CCNB1: variants seen among roughly 807,000 people sequenced by gnomAD.
CCNB1 encodes the protein cyclin B1.
CCNB1 carries 26 observed loss-of-function variants against 44.4 expected under a neutral mutation model. That is an observed-to-expected ratio of 0.59 (90% confidence interval 0.43 to 0.81). The LOEUF (loss-of-function observed/expected upper bound fraction) is 0.81. CCNB1 is among the 40% of genes least tolerant of loss of function. The pLI, the probability that CCNB1 is intolerant of heterozygous loss-of-function variation, is 0.00. For missense variants in CCNB1, 477 were observed against 520.9 expected, an observed-to-expected ratio of 0.92 and a Z score of 0.82; for synonymous variants, 195 against 181.4, an observed-to-expected ratio of 1.08 and a Z score of -0.60.
At chr5:69,168,464 G>A in intron 3 of CCNB1, 121 bp downstream of exon 3, 1 of 1,172,164 alleles carries the variant, frequency 8.5e-7, no homozygotes, top group Middle Eastern at 2.7e-4. Context: ...TGCTTAGCAT[G>A]AGGCAAGCTC....
intron 6 of CCNB1, 69 bp from the exon 7 acceptor site, chr5:69,175,328 A>G: frequency 1.4e-6 from 2 of 1,436,890 alleles, no homozygotes; most frequent in Non-Finnish European, 1.9e-6. Context: ...AAAGATACAT[A>G]TGGGCATGCA....
chr5:69,176,544 T>TA (rs1488778074), intron 7 of CCNB1, among the ~76,000 whole-genome samples: 93 of 147,822 alleles, frequency 6.3e-4, no homozygotes, highest in African/African-American at 1.9e-3. Context: ...ATATATATAT[T>TA]TTTTTTTAGT....
chr5:69,169,637 C>G (rs1027539156), intron 3 of CCNB1, among the ~76,000 whole-genome samples: 1 of 151,960 alleles, frequency 6.6e-6, no homozygotes, highest in Non-Finnish European at 1.5e-5. Flanking sequence ...CATCTCCACC[C>G]CCTGTTCCTA....
intron 3 of CCNB1, among the ~76,000 whole-genome samples, chr5:69,168,742 A>C (rs1158223858): frequency 6.6e-6 from 1 of 152,170 alleles, no homozygotes; most frequent in African/African-American, 2.4e-5. Context: ...ATCTCTGCAG[A>C]ATTTATTGGC....
At chr5:69,171,585 C>T (rs2069432) in intron 4 of CCNB1, 133 bp downstream of exon 4, 83,907 of 613,008 alleles carry the variant, frequency 0.14, 6,448 homozygotes, top group African/African-American at 0.25. Context: ...AATTCTCCTT[C>T]ATGGAATACC....
At chr5:69,176,125 C>T (rs1036249771) in intron 7 of CCNB1, among the ~76,000 whole-genome samples, 16 of 151,344 alleles carry the variant, frequency 1.1e-4, no homozygotes, top group Admixed American at 8.6e-4. Flanking sequence ...TGGGCTCAAG[C>T]GATCCACCCA....
chr5:69,174,445 T>C, intron 5 of CCNB1, 36 bp downstream of exon 5: 1 of 1,600,934 alleles, frequency 6.2e-7, no homozygotes, highest in South Asian at 1.1e-5. Flanking sequence ...CTTCCAGGAT[T>C]CTAGCCGAGT....
chr5:69,167,386 C>T (rs1327520465), intron 1 of CCNB1, 103 bp downstream of exon 1: 5 of 1,363,138 alleles, frequency 3.7e-6, no homozygotes, highest in East Asian at 2.3e-5. Flanking sequence ...GCCGCAGGAG[C>T]GATTTGGGGA....
intron 7 of CCNB1, among the ~76,000 whole-genome samples, chr5:69,176,445 C>T (rs1747592435): frequency 6.6e-6 from 1 of 151,746 alleles, no homozygotes; most frequent in Admixed American, 6.6e-5. Flanking sequence ...CAACCTCCGC[C>T]TCCTGGGTTC....
Position 69,168,255 on chromosome 5 carries a change from TGCCAGTGTCTGA to T in CCNB1, c.283_294del (p.Ser95_Val98del), listed in dbSNP as rs780419001. ...GAAAAGGTACCTATGCTGGTGCCAG[TGCCAGTGTCTGA>T]GCCAGTGCCAGAGCCAGAACCTGAG... On this transcript the variant is annotated inframe_deletion, in exon 3 of 9. Transcript: ENST00000256442. 14 of 1,614,014 alleles carry T rather than the reference TGCCAGTGTCTGA, an allele frequency of 8.7e-6. 1 individual carries two copies. The South Asian group carries it at 1.5e-4, about 18-fold the overall frequency.
At chr5:69,174,210 G>T in intron 4 of CCNB1, 41 bp from the exon 5 acceptor site, 1 of 1,594,006 alleles carries the variant, frequency 6.3e-7, no homozygotes, top group Non-Finnish European at 8.6e-7. Context: ...TGTGTCACAT[G>T]GAGTCATGTT....
chr5:69,167,411 G>A, intron 1 of CCNB1, 128 bp downstream of exon 1: 1 of 1,043,082 alleles, frequency 9.6e-7, no homozygotes, highest in Non-Finnish European at 1.4e-6. Flanking sequence ...GGTGGGAGGG[G>A]ACTCACCAAG....
intron 1 of CCNB1, 162 bp downstream of exon 1, chr5:69,167,445 C>T (rs1433682219): frequency 1.5e-6 from 1 of 681,130 alleles, no homozygotes; most frequent in Non-Finnish European, 2.6e-6. Flanking sequence ...GGGCCCAGGC[C>T]TGGTGAGAGA....
At chr5:69,174,855 C>T (rs1018085138) in intron 5 of CCNB1, 22 bp from the exon 6 acceptor site, 1 of 1,567,168 alleles carries the variant, frequency 6.4e-7, no homozygotes. Flanking sequence ...TTTTATTCAC[C>T]CTATTGAAAT....
chr5:69,168,042 C>G lies in CCNB1; in HGVS notation c.156C>G (p.Val52=). 1 of 1,614,112 alleles carries G rather than the reference C, an allele frequency of 6.2e-7. No homozygotes were observed. Among genetic ancestry groups the G allele is most frequent in the Non-Finnish European group, 8.5e-7 (1 of 1,180,022 alleles). Residue 52 remains valine (V), a synonymous_variant, in exon 2 of 9, where the codon GTC becomes GTG. Transcript: ENST00000256442. ...RTALGDIGNK[V]SEQLQAKMPM... is the part of the protein sequence containing the mutation. ...CTCTTGGGGACATTGGTAACAAAGTCAGTGAACAACTGCAGGCCAAAATGC... is the reference window on the plus strand; with the variant it reads ...CTCTTGGGGACATTGGTAACAAAGTGAGTGAACAACTGCAGGCCAAAATGC...
Position 69,168,490 on chromosome 5 carries a change from A to C in CCNB1, c.363+147A>C, listed in dbSNP as rs1026982383. On this transcript the variant is annotated intron_variant, in intron 3 of 8. Transcript: ENST00000256442. ...AGGCAAGCTCTGCCTAACATTTTACATGCATTAACTCACATAATCTTTACA... is the reference window on the plus strand; with the variant it reads ...AGGCAAGCTCTGCCTAACATTTTACCTGCATTAACTCACATAATCTTTACA... 5 of 860,570 alleles carry C rather than the reference A, an allele frequency of 5.8e-6. No homozygotes were observed. The African/African-American group carries it at 8.4e-5, about 15-fold the overall frequency. The allele number at this position is 860,570 out of a possible 1,614,324, so 53.3% of individuals were successfully genotyped here.
intron 4 of CCNB1, among the ~76,000 whole-genome samples, chr5:69,173,100 G>A (rs927454307): frequency 1.3e-5 from 2 of 152,040 alleles, no homozygotes; most frequent in Non-Finnish European, 2.9e-5. Flanking sequence ...TTGATGCTTC[G>A]TTCTTGTTCT....
rs1318224759 is a variant in CCNB1, at chr5:69,177,314, G to A, written c.1159G>A (p.Val387Ile). 1 of 1,612,200 alleles carries A rather than the reference G, an allele frequency of 6.2e-7. No individual in the cohort carries two copies. Among genetic ancestry groups the A allele is most frequent in the Non-Finnish European group, 8.5e-7 (1 of 1,178,276 alleles). Reference protein sequence around the residue: ...LPVMQHLAKNVVMVNQGLTKH... With the variant: ...LPVMQHLAKNIVMVNQGLTKH... Reference sequence around the variant, plus strand: ...AGTTATGCAGCACCTGGCTAAGAATGTAGTCATGGTAAATCAAGGACTTAC... The same window carrying A: ...AGTTATGCAGCACCTGGCTAAGAATATAGTCATGGTAAATCAAGGACTTAC... The change falls in exon 8 of 9, where the codon GTA becomes ATA. Residue 387 changes from valine to isoleucine, a missense_variant. Coordinates refer to ENST00000256442, the MANE Select transcript of CCNB1 (RefSeq NM_031966.4).
Position 69,175,403 on chromosome 5 carries a change from G to A in CCNB1, c.949G>A (p.Val317Ile). The change falls in exon 7 of 9, where the codon GTC becomes ATC. Residue 317 changes from valine to isoleucine, a missense_variant. Val to Ile is a conservative substitution (Grantham distance 29). Transcript: ENST00000256442. ...AACATGGGTTTTGTTTCAGGTTGAT[G>A]TCGAGCAACATACTTTGGCCAAATA... The part of the protein sequence containing the change: ...RRASKIGEVD[V>I]EQHTLAKYLM... The A allele has an allele frequency of 6.2e-7, 1 of 1,613,192 alleles. No individual in the cohort carries two copies. Among genetic ancestry groups the A allele is most frequent in the Non-Finnish European group, 8.5e-7 (1 of 1,179,792 alleles).
Sources: gnomAD v4.1 joint callset for allele counts (sites outside exome capture counted in the v4.1 genomes callset) on GRCh38, gnomAD v4.1.1 for gene constraint, MANE v1.5 for transcripts, NCBI Gene and HGNC (gene_info 2026-07-23, HGNC 2026-07-21) for gene names.